Variants in ATP8A1 observed in about 807,000 individuals in gnomAD.
ATP8A1 encodes the protein phospholipid-transporting ATPase IA.
ATP8A1 carries 90 observed loss-of-function variants against 177.7 expected under a neutral mutation model. The ratio of observed to expected loss-of-function variants is 0.51; its 90% CI spans 0.43 to 0.60. ATP8A1 has a LOEUF of 0.60. ATP8A1 is among the 20% of genes least tolerant of loss of function. ATP8A1 has a pLI of 0.00. For synonymous variants in ATP8A1, 493 were observed against 485.9 expected (o/e 1.01, Z -0.19); for missense variants, 1,072 against 1,392.8 (o/e 0.77, Z 3.67).
chr4:42,555,085 GTATCTATCTATCTATC>G (rs200520162), intron 16 of ATP8A1, among the ~76,000 whole-genome samples: 1,595 of 119,492 alleles, frequency 0.013, 33 homozygotes, highest in Non-Finnish European at 0.016. Context: ...CTTTGTGTGT[GTATCTATCTATCTATC>G]TATCTATCTA....
chr4:42,615,612 C>G (rs1051219249), intron 5 of ATP8A1, among the ~76,000 whole-genome samples: 2 of 152,204 alleles, frequency 1.3e-5, no homozygotes, highest in Non-Finnish European at 2.9e-5. Context: ...TCTGGAGTGT[C>G]TGTCATCTGC....
At chr4:42,605,185 A>G (rs1036258428) in intron 5 of ATP8A1, among the ~76,000 whole-genome samples, 11 of 152,236 alleles carry the variant, frequency 7.2e-5, no homozygotes, top group African/African-American at 2.7e-4. Flanking sequence ...CTATAACTGA[A>G]TTAAAAAATA....
intron 32 of ATP8A1, 132 bp from the exon 33 acceptor site, chr4:42,443,804 C>T (rs995771544): frequency 1.6e-4 from 88 of 553,600 alleles, no homozygotes; most frequent in Non-Finnish European, 5.1e-5. Context: ...GGAGTTTCTA[C>T]CTAATTGTGT....
intron 31 of ATP8A1, among the ~76,000 whole-genome samples, chr4:42,444,997 AT>A (rs1244477769): frequency 2.8e-4 from 42 of 152,312 alleles, no homozygotes; most frequent in South Asian, 1.5e-3. Flanking sequence ...CTTTACCTTT[AT>A]TTTAAATCTC....
chr4:42,566,790 ACT>A lies in ATP8A1; in HGVS notation c.1340+2369_1340+2370del, dbSNP rs369909504. ...TATAACCAGGCTGATGTAGGTTTCA[ACT>A]CTCACATCATCTACTCGTTTTTATA... On this transcript the variant is annotated intron_variant, in intron 15 of 36. Coordinates refer to ENST00000381668, the MANE Select transcript of ATP8A1 (RefSeq NM_006095.2). Among the ~76,000 whole-genome samples the A allele has an allele frequency of 3.0e-3, 459 of 152,246 alleles. 1 individual carries two copies. Among genetic ancestry groups the A allele is most frequent in the East Asian group, 0.012 (62 of 5,182 alleles).
chr4:42,413,748 G>C (rs575665944), intron 36 of ATP8A1, among the ~76,000 whole-genome samples: 1 of 152,046 alleles, frequency 6.6e-6, no homozygotes, highest in Admixed American at 6.5e-5. Flanking sequence ...GACTCACAGC[G>C]GGCTGAATCC....
At chr4:42,520,664 G>A (rs967849811) in intron 22 of ATP8A1, among the ~76,000 whole-genome samples, 2 of 152,052 alleles carry the variant, frequency 1.3e-5, no homozygotes, top group Non-Finnish European at 2.9e-5. Flanking sequence ...TTTAGGGTGG[G>A]AGTATCATGC....
intron 24 of ATP8A1, among the ~76,000 whole-genome samples, chr4:42,499,653 T>A (rs1040122412): frequency 2.6e-5 from 4 of 152,250 alleles, no homozygotes; most frequent in African/African-American, 9.6e-5. Context: ...AGAGGAAACT[T>A]AGACCAAACC....
At chr4:42,535,935 T>C (rs1367132766) in intron 20 of ATP8A1, among the ~76,000 whole-genome samples, 3 of 152,064 alleles carry the variant, frequency 2.0e-5, no homozygotes, top group Admixed American at 1.3e-4. Flanking sequence ...ACACAAACTA[T>C]CAAAACCTCT....
At position 42,590,807 on chromosome 4, in the gene ATP8A1, T is replaced by C. The variant is rs1380634114; in HGVS notation, c.524+4A>G. ...CGCATCCTATACGACTCAGTGGTTC[T>C]AACCTTGAGGACAGACTGATGAGAT... On this transcript the variant is annotated splice_donor_region_variant and intron_variant, in intron 7 of 36. Coordinates refer to ENST00000381668, the MANE Select transcript of ATP8A1 (RefSeq NM_006095.2). 19 of 1,613,654 alleles carry C rather than the reference T, an allele frequency of 1.2e-5. No homozygotes were observed. Among genetic ancestry groups the C allele is most frequent in the Admixed American group, 1.2e-4 (7 of 59,978 alleles).
Position 42,547,285 on chromosome 4 carries a change from C to G in ATP8A1, c.1652+1728G>C, listed in dbSNP as rs1729026175. Among the ~76,000 whole-genome samples the G allele has an allele frequency of 3.9e-5, 6 of 152,338 alleles. No homozygotes were observed. In the South Asian group the frequency reaches 1.2e-3, roughly 32 times the overall value. ...TTCGCCTTCTACTGCCAATCCCTCA[C>G]AAAGTCTCTCAGATATTCCTCTACA... On this transcript the variant is annotated intron_variant, in intron 19 of 36. Transcript: ENST00000381668.
chr4:42,555,138 TAATCTATCTATCTATCTATCTATC>T (rs1730009440), intron 16 of ATP8A1, among the ~76,000 whole-genome samples: 24 of 76,782 alleles, frequency 3.1e-4, no homozygotes, highest in Admixed American at 2.7e-3. Context: ...TCTATCTATC[TAATCTATCTATCTATCTATCTATC>T]TATCTATCTA....
intron 15 of ATP8A1, among the ~76,000 whole-genome samples, chr4:42,563,778 C>T (rs917078436): frequency 6.6e-6 from 1 of 152,192 alleles, no homozygotes; most frequent in Non-Finnish European, 1.5e-5. Context: ...CAGTGTTGAG[C>T]CTGTGGGTAC....
intron 33 of ATP8A1, among the ~76,000 whole-genome samples, chr4:42,429,486 G>C (rs764580194): frequency 2.6e-5 from 4 of 151,824 alleles, no homozygotes; most frequent in Non-Finnish European, 5.9e-5. Flanking sequence ...TAACTACACA[G>C]TATGAACACT....
chr4:42,628,612 A>G (rs1738372332), intron 1 of ATP8A1, among the ~76,000 whole-genome samples: 1 of 152,110 alleles, frequency 6.6e-6, no homozygotes, highest in African/African-American at 2.4e-5. Context: ...TTCAGACCCA[A>G]TCAGCAGCTT....
intron 25 of ATP8A1, among the ~76,000 whole-genome samples, chr4:42,479,996 T>TTGTGTGTGTGTGTG (rs376966152): frequency 0.034 from 4,660 of 135,562 alleles, 108 homozygotes; most frequent in South Asian, 0.061. Context: ...GCAGTTCTGC[T>TTGTGTGTGTGTGTG]TGTGTGTGTG....
chr4:42,591,844 T>A (rs1734212546), intron 6 of ATP8A1, among the ~76,000 whole-genome samples: 1 of 152,106 alleles, frequency 6.6e-6, no homozygotes, highest in Admixed American at 6.5e-5. Flanking sequence ...AAATTGAAAA[T>A]TAAAATATTA....
At chr4:42,418,719 A>G (rs981065746) in intron 35 of ATP8A1, among the ~76,000 whole-genome samples, 4 of 152,200 alleles carry the variant, frequency 2.6e-5, no homozygotes, top group Non-Finnish European at 4.4e-5. Context: ...GCTCAAAAGC[A>G]TGCGTATTTA....
chr4:42,474,993 TATA>T (rs796933972), intron 25 of ATP8A1, among the ~76,000 whole-genome samples: 17 of 152,136 alleles, frequency 1.1e-4, no homozygotes, highest in South Asian at 6.2e-4. Flanking sequence ...ATAATAACAA[TATA>T]ATGTTTATTT....
Sources: gnomAD v4.1 joint callset for allele counts (sites outside exome capture counted in the v4.1 genomes callset) on GRCh38, gnomAD v4.1.1 for gene constraint, MANE v1.5 for transcripts, NCBI Gene and HGNC (gene_info 2026-07-23, HGNC 2026-07-21) for gene names.